The following RMP64 variants were observed in gnomAD, a reference collection of about 807,000 sequenced individuals.
RMP64 encodes ribonuclease MRP subunit p64, also known as nucleolus and neural progenitor protein.
the RMP64 span, chr3:113,017,297 G>A: frequency 1.9e-6 from 1 of 530,114 alleles, no homozygotes; most frequent in Non-Finnish European, 3.2e-6. Context: ...AAAAAAGAAA[G>A]TGCACATGTA....
At chr3:113,017,034 A>C in the RMP64 span, among the ~76,000 whole-genome samples, 1 of 152,234 alleles carries the variant, frequency 6.6e-6, no homozygotes, top group African/African-American at 2.4e-5. Context: ...TGTACCCCAT[A>C]ATAAGTAGAC....
At chr3:113,011,632 GAT>G in the RMP64 span, 96 of 353,980 alleles carry the variant, frequency 2.7e-4, no homozygotes, top group East Asian at 3.8e-4. Flanking sequence ...TACCAGGAAA[GAT>G]ATATATATAT....
At chr3:113,012,849 T>TC in the RMP64 span, 1 of 1,202,104 alleles carries the variant, frequency 8.3e-7, no homozygotes. Flanking sequence ...AAAATCAAAG[T>TC]AATGTGGGTT....
chr3:113,006,038 T>TA, the RMP64 span: 1 of 1,446,304 alleles, frequency 6.9e-7, no homozygotes, highest in East Asian at 2.3e-5. Flanking sequence ...AATCTGGGCT[T>TA]AAGATGAGAA....
the RMP64 span, chr3:113,014,174 G>A: frequency 1.7e-6 from 1 of 577,992 alleles, no homozygotes; most frequent in Non-Finnish European, 3.1e-6. Context: ...TTTTTTCAGG[G>A]TAGAGAAATC....
chr3:113,005,878 T>G, the RMP64 span: 2 of 1,613,776 alleles, frequency 1.2e-6, no homozygotes, highest in Non-Finnish European at 1.7e-6. Context: ...GTGGTTTCCT[T>G]TGTCTCCGTA....
chr3:113,006,581 A>G, the RMP64 span, among the ~76,000 whole-genome samples: 1 of 152,206 alleles, frequency 6.6e-6, no homozygotes, highest in South Asian at 2.1e-4. Context: ...ACAGCTGATC[A>G]TTTTAGGTGT....
chr3:113,010,490 C>G, the RMP64 span: 7 of 616,206 alleles, frequency 1.1e-5, no homozygotes, highest in Non-Finnish European at 2.0e-5. Flanking sequence ...AATCCCTTGC[C>G]TCTATTCATT....
At chr3:113,019,296 G>C in the RMP64 span, 1 of 544,400 alleles carries the variant, frequency 1.8e-6, no homozygotes, top group Non-Finnish European at 3.2e-6. Context: ...GCTGAGCCTT[G>C]GTCTTTCATC....
chr3:113,005,858 A>G, the RMP64 span: 2 of 1,613,792 alleles, frequency 1.2e-6, no homozygotes, highest in Non-Finnish European at 1.7e-6. Context: ...AGTCGACTGC[A>G]ACTTTCTCTG....
chr3:113,014,682 TAAAAC>T, the RMP64 span: 1 of 152,186 alleles, frequency 6.6e-6, no homozygotes, highest in Non-Finnish European at 1.5e-5. Flanking sequence ...GTGAAACTAT[TAAAAC>T]AAGATAGAAA....
the RMP64 span, chr3:113,019,487 G>A: frequency 2.1e-6 from 3 of 1,444,042 alleles, no homozygotes; most frequent in South Asian, 3.5e-5. Flanking sequence ...CGCCGGCTGG[G>A]CCTGGCGGCC....
chr3:113,007,482 G>A, the RMP64 span, among the ~76,000 whole-genome samples: 1 of 152,102 alleles, frequency 6.6e-6, no homozygotes, highest in African/African-American at 2.4e-5. Flanking sequence ...ATAAAAAACA[G>A]GTCAGAATAA....
chr3:113,010,282 G>A, the RMP64 span, among the ~76,000 whole-genome samples: 1 of 152,172 alleles, frequency 6.6e-6, no homozygotes, highest in South Asian at 2.1e-4. Flanking sequence ...GAGAGATCAG[G>A]AAACTCACAG....
At chr3:113,010,808 A>G in the RMP64 span, 4 of 971,034 alleles carry the variant, frequency 4.1e-6, no homozygotes, top group Non-Finnish European at 6.3e-6. Context: ...TTACCACAAA[A>G]TAAAGGAATA....
At chr3:113,005,694 T>C in the RMP64 span, 1 of 1,614,140 alleles carries the variant, frequency 6.2e-7, no homozygotes, top group Non-Finnish European at 8.5e-7. Context: ...TTAGTTTGTA[T>C]GACAGGCATT....
At chr3:113,013,280 T>C in the RMP64 span, 1 of 1,613,378 alleles carries the variant, frequency 6.2e-7, no homozygotes, top group Non-Finnish European at 8.5e-7. Flanking sequence ...ACAGAAAAGT[T>C]TTGCAGCAGC....
At chr3:113,015,525 A>C in the RMP64 span, among the ~76,000 whole-genome samples, 239 of 152,142 alleles carry the variant, frequency 1.6e-3, no homozygotes, top group East Asian at 0.017. Flanking sequence ...GAGATAGGGA[A>C]GTTTCTAATA....
the RMP64 span, chr3:113,012,840 A>G: frequency 1.5e-6 from 2 of 1,299,242 alleles, no homozygotes; most frequent in African/African-American, 2.9e-5. Flanking sequence ...GTAGAAAACA[A>G]AATCAAAGTA....
Sources: allele counts gnomAD v4.1 joint callset (sites outside exome capture counted in the v4.1 genomes callset), GRCh38; gene constraint gnomAD v4.1.1; transcripts MANE v1.5; gene names NCBI Gene and HGNC (gene_info 2026-07-23, HGNC 2026-07-21).